DCN: variants seen among roughly 807,000 people sequenced by gnomAD.
DCN encodes the protein bone proteoglycan II.
A neutral mutation model predicts 36.5 loss-of-function variants in DCN; 17 were observed. That is an observed-to-expected ratio of 0.47 (90% CI 0.32 to 0.70). DCN has a LOEUF of 0.70. Among genes scored for constraint, DCN ranks in the 30% least tolerant of loss-of-function variants. The pLI is 0.04. For missense variants in DCN, 389 were observed against 430.1 expected (o/e 0.90, Z 0.84); for synonymous variants, 163 against 161.4 (o/e 1.01, Z -0.07).
At chr12:91,177,536 A>G in intron 2 of DCN, 1 of 701,888 alleles carries the variant, frequency 1.4e-6, no homozygotes, top group South Asian at 1.5e-5. Context: ...AACTGAGTTC[A>G]TTCCCCTTTG....
At chr12:91,160,821 A>G (rs1430597037) in intron 3 of DCN, among the ~76,000 whole-genome samples, 2 of 152,158 alleles carry the variant, frequency 1.3e-5, no homozygotes, top group East Asian at 3.8e-4. Flanking sequence ...AATATATTAA[A>G]TGTTGTCATT....
chr12:91,155,988 G>T (rs774938284), intron 5 of DCN, among the ~76,000 whole-genome samples: 1 of 152,114 alleles, frequency 6.6e-6, no homozygotes. Context: ...CATTTTGTAC[G>T]CACTCAAGAA....
intron 3 of DCN, among the ~76,000 whole-genome samples, chr12:91,159,784 A>G (rs1037849367): frequency 6.6e-6 from 1 of 152,062 alleles, no homozygotes; most frequent in African/African-American, 2.4e-5. Context: ...GTCTAACAAA[A>G]CCACATGGTT....
chr12:91,153,674 T>G (rs1346794566), intron 5 of DCN, among the ~76,000 whole-genome samples: 1 of 152,152 alleles, frequency 6.6e-6, no homozygotes, highest in Non-Finnish European at 1.5e-5. Flanking sequence ...TGTGCTGGTC[T>G]TAGCCTTAAT....
At chr12:91,147,752 TC>T (rs1253029417) in intron 7 of DCN, among the ~76,000 whole-genome samples, 4 of 152,142 alleles carry the variant, frequency 2.6e-5, no homozygotes, top group Non-Finnish European at 4.4e-5. Flanking sequence ...TCCAAGAAAT[TC>T]TTAAATATTT....
intron 7 of DCN, among the ~76,000 whole-genome samples, chr12:91,148,134 C>T (rs1881152895): frequency 1.3e-5 from 2 of 150,338 alleles, no homozygotes; most frequent in South Asian, 2.1e-4. Flanking sequence ...AGTGCGGTGT[C>T]GCAATCTCGG....
intron 3 of DCN, among the ~76,000 whole-genome samples, chr12:91,160,123 A>T (rs544594616): frequency 6.6e-6 from 1 of 152,280 alleles, no homozygotes; most frequent in South Asian, 2.1e-4. Context: ...ACACACTGCG[A>T]TTAATAATCA....
At chr12:91,181,753 AC>A (rs1190523438) in intron 1 of DCN, among the ~76,000 whole-genome samples, 1 of 152,122 alleles carries the variant, frequency 6.6e-6, no homozygotes, top group African/African-American at 2.4e-5. Context: ...TAAATGCAAA[AC>A]AAAATTAAAA....
At chr12:91,158,097 T>C (rs1881915075) in intron 4 of DCN, among the ~76,000 whole-genome samples, 199 bp downstream of exon 4, 1 of 152,198 alleles carries the variant, frequency 6.6e-6, no homozygotes, top group African/African-American at 2.4e-5. Flanking sequence ...TATTCTCAGA[T>C]ACTCAAGGAC....
intron 3 of DCN, among the ~76,000 whole-genome samples, chr12:91,164,037 A>T (rs1882336941): frequency 6.6e-6 from 1 of 152,230 alleles, no homozygotes; most frequent in African/African-American, 2.4e-5. Flanking sequence ...GTATTAAAAA[A>T]GTCAGGTAAA....
At chr12:91,150,046 T>C (rs3138275) in intron 7 of DCN, among the ~76,000 whole-genome samples, 2,588 of 151,862 alleles carry the variant, frequency 0.017, 68 homozygotes, top group African/African-American at 0.058. Flanking sequence ...TTTCCAGAAA[T>C]GAAAAAGTAG....
rs1477920765 is a variant in DCN, at chr12:91,145,714, T to C, written c.*344A>G. On this transcript the variant is annotated 3_prime_UTR_variant, in exon 8 of 8. Coordinates refer to ENST00000052754, the MANE Select transcript of DCN (RefSeq NM_001920.5). ...AACTGCTCAATGAATTACAGAAGAC[T>C]CATACTCTTTTTATTTTTTCCTGGA... is the stretch of plus-strand genomic sequence containing the variant. The C allele has an allele frequency of 1.5e-5, 6 of 405,916 alleles. No homozygotes were observed. Among genetic ancestry groups the C allele is most frequent in the Admixed American group, 1.1e-4 (3 of 28,268 alleles). 25.1% of individuals were successfully genotyped at this position (405,916 alleles called of 1,614,324 possible).
At chr12:91,162,934 T>A (rs1194615978) in intron 3 of DCN, among the ~76,000 whole-genome samples, 1 of 152,150 alleles carries the variant, frequency 6.6e-6, no homozygotes, top group East Asian at 1.9e-4. Context: ...ATTTCCAGAT[T>A]CTTTATCTCC....
intron 1 of DCN, chr12:91,179,461 C>T (rs1883482783): frequency 1.3e-5 from 2 of 152,304 alleles, no homozygotes; most frequent in Non-Finnish European, 2.9e-5. Flanking sequence ...CTTCTCTGCT[C>T]CCAAAGCACG....
intron 4 of DCN, among the ~76,000 whole-genome samples, chr12:91,157,920 G>A (rs151187211): frequency 3.9e-5 from 6 of 151,964 alleles, no homozygotes; most frequent in East Asian, 1.9e-4. Context: ...GAGCCACCGC[G>A]CCCAGCCATA....
intron 1 of DCN, among the ~76,000 whole-genome samples, chr12:91,181,149 T>TGA (rs71881905): frequency 6.6e-6 from 1 of 151,288 alleles, no homozygotes; most frequent in Non-Finnish European, 1.5e-5. Context: ...TGTGTGTGTG[T>TGA]GAGAGAGAGA....
chr12:91,149,490 C>T (rs1486185475), intron 7 of DCN, among the ~76,000 whole-genome samples: 4 of 152,140 alleles, frequency 2.6e-5, no homozygotes, highest in South Asian at 2.1e-4. Flanking sequence ...TGGCTAACAT[C>T]GTAACTAATG....
chr12:91,169,098 G>C (rs1033113490), intron 2 of DCN, among the ~76,000 whole-genome samples: 2 of 152,162 alleles, frequency 1.3e-5, no homozygotes, highest in Non-Finnish European at 2.9e-5. Flanking sequence ...GTGTAAAGGA[G>C]AGTTAAGAGA....
chr12:91,178,029 AC>A (rs1237253012), intron 2 of DCN, among the ~76,000 whole-genome samples: 3 of 152,248 alleles, frequency 2.0e-5, no homozygotes, highest in East Asian at 1.9e-4. Flanking sequence ...AGAACATAAG[AC>A]TTTTTTAATT....
Sources: gnomAD v4.1 joint callset for allele counts (sites outside exome capture counted in the v4.1 genomes callset) on GRCh38, gnomAD v4.1.1 for gene constraint, MANE v1.5 for transcripts, NCBI Gene and HGNC (gene_info 2026-07-23, HGNC 2026-07-21) for gene names.